The following SCAPER variants were observed in gnomAD, a reference collection of about 807,000 sequenced individuals.
SCAPER encodes the protein S-phase cyclin A associated protein in the ER.
Under a neutral mutation model 182.2 loss-of-function variants are expected in SCAPER, and 98 were observed. The ratio of observed to expected loss-of-function variants is 0.54; its 90% CI spans 0.46 to 0.64. SCAPER has a LOEUF of 0.64. SCAPER is among the 30% of genes least tolerant of loss of function. The pLI is 0.00. For synonymous variants in SCAPER, 605 were observed against 564.6 expected (o/e 1.07, Z -1.01); for missense variants, 1,432 against 1,690.0 (o/e 0.85, Z 2.68).
chr15:76,662,381 C>A (rs2056260321), intron 21 of SCAPER, among the ~76,000 whole-genome samples: 1 of 151,936 alleles, frequency 6.6e-6, no homozygotes, highest in East Asian at 1.9e-4. Context: ...ATAACAACAA[C>A]AAAAGAAAGT....
rs1158842128 is a variant in SCAPER at position 76,793,351 on chromosome 15, G to A, written c.772+1929C>T. ...TTTGTATGCTAATGAGTTGACAAGT[G>A]GCTGGCAGCCCCTAGGTGGCTTCAG... On this transcript the variant is annotated intron_variant, in intron 8 of 31. Transcript: ENST00000563290. The A allele has an allele frequency of 7.2e-6, 5 of 697,416 alleles. No individual in the cohort carries two copies. The African/African-American group carries it at 7.2e-5, about 10-fold the overall frequency. 43.2% of individuals were successfully genotyped at this position (697,416 alleles called of 1,614,324 possible). A position where few individuals can be genotyped will look rare whatever the true frequency, so the allele number is the denominator to read the frequency against.
chr15:76,878,644 A>G (rs1028943121), intron 2 of SCAPER, among the ~76,000 whole-genome samples: 6 of 152,130 alleles, frequency 3.9e-5, no homozygotes, highest in African/African-American at 1.4e-4. Flanking sequence ...ACACTGAGTC[A>G]AAGCCAGGCA....
chr15:76,516,985 G>A (rs2042476104), intron 23 of SCAPER, among the ~76,000 whole-genome samples: 1 of 152,140 alleles, frequency 6.6e-6, no homozygotes, highest in African/African-American at 2.4e-5. Context: ...ATACAGATAA[G>A]GAAATCAGTC....
At chr15:76,693,421 T>C (rs1343046586) in intron 20 of SCAPER, among the ~76,000 whole-genome samples, 2 of 152,188 alleles carry the variant, frequency 1.3e-5, no homozygotes, top group African/African-American at 2.4e-5. Flanking sequence ...TGGAAAATTG[T>C]AGGGCATTCC....
chr15:76,618,838 C>T (rs895818248), intron 22 of SCAPER, among the ~76,000 whole-genome samples: 2 of 152,084 alleles, frequency 1.3e-5, no homozygotes, highest in Admixed American at 6.6e-5. Flanking sequence ...ACAAATTCTC[C>T]TTAAATGGCC....
intron 25 of SCAPER, among the ~76,000 whole-genome samples, chr15:76,458,543 A>C (rs539705663): frequency 5.9e-5 from 9 of 152,070 alleles, no homozygotes; most frequent in African/African-American, 1.9e-4. Flanking sequence ...TTCTAGCTTT[A>C]AAAACCCAAT....
At chr15:76,355,213 G>A (rs1162478830) in intron 29 of SCAPER, among the ~76,000 whole-genome samples, 1 of 152,230 alleles carries the variant, frequency 6.6e-6, no homozygotes, top group African/African-American at 2.4e-5. Context: ...TGATAATGCA[G>A]TTTAGTTTAA....
intron 26 of SCAPER, among the ~76,000 whole-genome samples, chr15:76,405,340 C>T (rs988800857): frequency 1.3e-5 from 2 of 151,772 alleles, no homozygotes; most frequent in Non-Finnish European, 2.9e-5. Context: ...TCTTCTTGAA[C>T]TTCTGGCCTG....
At chr15:76,397,428 T>G (rs1268474535) in intron 27 of SCAPER, among the ~76,000 whole-genome samples, 1 of 151,854 alleles carries the variant, frequency 6.6e-6, no homozygotes, top group Non-Finnish European at 1.5e-5. Context: ...TTTGGTAGAA[T>G]TCATCAGTGA....
At chr15:76,431,763 C>T (rs2046888695) in intron 26 of SCAPER, among the ~76,000 whole-genome samples, 1 of 143,592 alleles carries the variant, frequency 7.0e-6, no homozygotes, top group Admixed American at 7.2e-5. Flanking sequence ...ACACAGTCCT[C>T]ACCAAGCCAA....
intron 23 of SCAPER, among the ~76,000 whole-genome samples, chr15:76,513,121 T>C (rs1350822567): frequency 1.3e-5 from 2 of 152,152 alleles, no homozygotes; most frequent in African/African-American, 4.8e-5. Flanking sequence ...TTCTCTCTTG[T>C]CTGCAAGCTC....
At chr15:76,684,632 A>G (rs1398569307) in intron 20 of SCAPER, among the ~76,000 whole-genome samples, 1 of 152,018 alleles carries the variant, frequency 6.6e-6, no homozygotes, top group Non-Finnish European at 1.5e-5. Context: ...TAAAAGATAC[A>G]AGAATGCTAT....
intron 23 of SCAPER, among the ~76,000 whole-genome samples, chr15:76,533,452 T>G (rs962481650): frequency 3.9e-5 from 6 of 152,170 alleles, no homozygotes; most frequent in Non-Finnish European, 7.4e-5. Context: ...TACAGTAACA[T>G]GCTGTACAGA....
At chr15:76,612,294 G>C (rs980666009) in intron 22 of SCAPER, among the ~76,000 whole-genome samples, 7 of 152,156 alleles carry the variant, frequency 4.6e-5, no homozygotes, top group Non-Finnish European at 1.5e-5. Context: ...CTGGGGTGCA[G>C]TAGTGCAATT....
At chr15:76,762,225 G>T (rs2062832291) in intron 14 of SCAPER, among the ~76,000 whole-genome samples, 1 of 151,836 alleles carries the variant, frequency 6.6e-6, no homozygotes, top group African/African-American at 2.4e-5. Context: ...CTTTGATTGG[G>T]GAGTTTAATC....
chr15:76,864,112 A>G (rs2072086561), intron 2 of SCAPER, among the ~76,000 whole-genome samples: 1 of 152,178 alleles, frequency 6.6e-6, no homozygotes, highest in Non-Finnish European at 1.5e-5. Context: ...GATAATAGGA[A>G]CTAGATGAAT....
intron 11 of SCAPER, among the ~76,000 whole-genome samples, chr15:76,765,873 A>C (rs947193723): frequency 2.0e-4 from 31 of 152,360 alleles, no homozygotes; most frequent in Non-Finnish European, 3.2e-4. Context: ...AAATGAAGTA[A>C]ATTTAAGAAA....
At chr15:76,461,423 A>AT (rs1302487072) in intron 25 of SCAPER, among the ~76,000 whole-genome samples, 2 of 151,700 alleles carry the variant, frequency 1.3e-5, no homozygotes, top group Non-Finnish European at 2.9e-5. Context: ...TTGTCCACTA[A>AT]TTTTTGCATC....
At chr15:76,618,554 T>C (rs2051711777) in intron 22 of SCAPER, among the ~76,000 whole-genome samples, 3 of 152,196 alleles carry the variant, frequency 2.0e-5, no homozygotes, top group Admixed American at 2.0e-4. Flanking sequence ...TGTCTTTCCA[T>C]TTATAAAAGT....
Sources: gnomAD v4.1 joint callset for allele counts (sites outside exome capture counted in the v4.1 genomes callset) on GRCh38, gnomAD v4.1.1 for gene constraint, MANE v1.5 for transcripts, NCBI Gene and HGNC (gene_info 2026-07-23, HGNC 2026-07-21) for gene names.